Variants in ATP2B2 observed in about 807,000 individuals in gnomAD.
ATP2B2 encodes plasma membrane calcium-transporting ATPase 2.
ATP2B2 carries 15 observed loss-of-function variants against 120.0 expected under a neutral mutation model. The ratio of observed to expected loss-of-function variants is 0.12; its 90% CI spans 0.08 to 0.19. The LOEUF is 0.19. Among genes scored for constraint, ATP2B2 ranks in the 10% least tolerant of loss-of-function variants. ATP2B2 has a pLI of 1.00. For synonymous variants in ATP2B2, 694 were observed against 700.3 expected (o/e 0.99, Z 0.14); for missense variants, 1,045 against 1,719.8 (o/e 0.61, Z 6.94).
chr3:10,663,459 C>G (rs2125682398), intron 1 of ATP2B2, among the ~76,000 whole-genome samples: 1 of 152,242 alleles, frequency 6.6e-6, no homozygotes, highest in African/African-American at 2.4e-5. Context: ...AGGGCAGCTG[C>G]AAGCCTGATG....
chr3:10,420,918 T>G (rs2062955639), intron 2 of ATP2B2, among the ~76,000 whole-genome samples: 1 of 152,226 alleles, frequency 6.6e-6, no homozygotes, highest in African/African-American at 2.4e-5. Flanking sequence ...GGCTGGGGCA[T>G]GGCCCGGACC....
At position 10,705,894 on chromosome 3, in the gene ATP2B2, C is replaced by T. The variant is rs1248470282; in HGVS notation, c.-460+2021G>A. Reference sequence around the variant, plus strand: ...TATTTTTATTAATCGTGCCCTCTCTCACTCTCAAGGTATCTCAGTTTGGAT... The same window carrying T: ...TATTTTTATTAATCGTGCCCTCTCTTACTCTCAAGGTATCTCAGTTTGGAT... On this transcript the variant is annotated intron_variant, in intron 1 of 21. Coordinates refer to the ATP2B2 transcript ENST00000646379. Among the ~76,000 whole-genome samples the T allele has an allele frequency of 3.9e-5, 6 of 152,222 alleles. No homozygotes were observed. The East Asian group carries it at 1.2e-3, about 29-fold the overall frequency.
chr3:10,488,543 C>T (rs1277164833), intron 1 of ATP2B2, among the ~76,000 whole-genome samples: 7 of 144,474 alleles, frequency 4.8e-5, no homozygotes, highest in Non-Finnish European at 9.2e-5. Flanking sequence ...TCCTTCCTTC[C>T]TTCCTTTCCT....
chr3:10,571,976 A>C (rs1176969778), intron 2 of ATP2B2, among the ~76,000 whole-genome samples: 2 of 152,088 alleles, frequency 1.3e-5, no homozygotes, highest in African/African-American at 4.8e-5. Flanking sequence ...CAACTTCCCC[A>C]CCCCTTGGCT....
In ATP2B2 at chr3:10,410,017, G is replaced by A. The variant is rs144073912; in HGVS notation, c.397+601C>T. On this transcript the variant is annotated intron_variant, in intron 3 of 22. Coordinates refer to ENST00000360273, the MANE Select transcript of ATP2B2 (RefSeq NM_001001331.4). ...CCTGGACTCTGGAGAGAAAGAACCAGGCTCTCTTAGGATGGGGCCTGACAA... is the reference window on the plus strand; with the variant it reads ...CCTGGACTCTGGAGAGAAAGAACCAAGCTCTCTTAGGATGGGGCCTGACAA... Among the ~76,000 whole-genome samples, 667 of 152,308 alleles carry A rather than the reference G, an allele frequency of 4.4e-3. 6 individuals are homozygous for A. Among genetic ancestry groups the A allele is most frequent in the African/African-American group, 0.015 (639 of 41,562 alleles).
At chr3:10,641,410 C>A (rs1287995542) in intron 1 of ATP2B2, among the ~76,000 whole-genome samples, 1 of 152,174 alleles carries the variant, frequency 6.6e-6, no homozygotes, top group African/African-American at 2.4e-5. Context: ...TGACCCTCAG[C>A]CCTAGCCAAG....
At chr3:10,576,747 G>A (rs1160771019) in intron 2 of ATP2B2, among the ~76,000 whole-genome samples, 3 of 152,006 alleles carry the variant, frequency 2.0e-5, no homozygotes, top group Non-Finnish European at 2.9e-5. Context: ...TTGGCATAAC[G>A]TGGGAGGCTG....
At chr3:10,530,573 G>A (rs1462320328) in intron 3 of ATP2B2, among the ~76,000 whole-genome samples, 1 of 152,202 alleles carries the variant, frequency 6.6e-6, no homozygotes, top group African/African-American at 2.4e-5. Flanking sequence ...GGGGCAGTCT[G>A]GCCACAGACA....
At position 10,325,477 on chromosome 3, in the gene ATP2B2, G is replaced by A. The variant is rs1406674458; in HGVS notation, c.*3337C>T. On this transcript the variant is annotated 3_prime_UTR_variant, in exon 23 of 23. Coordinates refer to ENST00000360273, the MANE Select transcript of ATP2B2 (RefSeq NM_001001331.4). ...TGTGGTAAAGGTGGCATTTCAGCAT[G>A]GTTGGGGAAAAGAGTGGCTTCCAAC... The A allele has an allele frequency of 6.6e-6, 1 of 152,224 alleles. No homozygotes were observed. Among genetic ancestry groups the A allele is most frequent in the Non-Finnish European group, 1.5e-5 (1 of 68,066 alleles). The allele number at this position is 152,224 out of a possible 1,614,324, so 9.4% of individuals were successfully genotyped here.
At chr3:10,492,941 AC>A (rs1403075987) in intron 1 of ATP2B2, among the ~76,000 whole-genome samples, 4 of 152,158 alleles carry the variant, frequency 2.6e-5, no homozygotes, top group Admixed American at 1.3e-4. Flanking sequence ...CTCTGCTCCC[AC>A]TACCTCCCTC....
At chr3:10,359,853 T>TCAGCCCC (rs2060846589) in intron 13 of ATP2B2, 29 bp downstream of exon 13, 1 of 1,613,900 alleles carries the variant, frequency 6.2e-7, no homozygotes, top group Non-Finnish European at 8.5e-7. Context: ...GGCACAGCCC[T>TCAGCCCC]CAGCCCCGGT....
intron 1 of ATP2B2, among the ~76,000 whole-genome samples, chr3:10,501,373 G>GTTTTTT (rs71626976): frequency 7.0e-6 from 1 of 143,802 alleles, no homozygotes; most frequent in African/African-American, 2.6e-5. Context: ...TTTTTAAACG[G>GTTTTTT]TTTTTTTTTT....
At chr3:10,461,036 T>C (rs1035174378) in intron 1 of ATP2B2, among the ~76,000 whole-genome samples, 3 of 152,218 alleles carry the variant, frequency 2.0e-5, no homozygotes, top group African/African-American at 7.2e-5. Flanking sequence ...AAAGTCTTTC[T>C]ATGTGTTCCA....
intron 21 of ATP2B2, among the ~76,000 whole-genome samples, chr3:10,339,704 A>G (rs963494282): frequency 1.3e-5 from 2 of 152,202 alleles, no homozygotes; most frequent in African/African-American, 4.8e-5. Context: ...TAACACCGCA[A>G]TGTGGCAGAG....
intron 3 of ATP2B2, among the ~76,000 whole-genome samples, chr3:10,525,762 G>A (rs913452068): frequency 3.3e-5 from 5 of 151,830 alleles, no homozygotes; most frequent in South Asian, 2.1e-4. Context: ...GTGTAAACCC[G>A]TGTAAAAAGT....
chr3:10,567,104 C>A (rs1414743001), intron 2 of ATP2B2, among the ~76,000 whole-genome samples: 2 of 152,182 alleles, frequency 1.3e-5, no homozygotes, highest in African/African-American at 2.4e-5. Flanking sequence ...ATATCTAGAC[C>A]AGCCCCTCCT....
At chr3:10,496,632 C>T (rs908819675) in intron 1 of ATP2B2, among the ~76,000 whole-genome samples, 1 of 152,150 alleles carries the variant, frequency 6.6e-6, no homozygotes, top group African/African-American at 2.4e-5. Flanking sequence ...AACCCAAGAT[C>T]CACACACATT....
chr3:10,385,096 G>A (rs1243395800), intron 8 of ATP2B2, among the ~76,000 whole-genome samples, 172 bp downstream of exon 8: 1 of 152,150 alleles, frequency 6.6e-6, no homozygotes, highest in African/African-American at 2.4e-5. Flanking sequence ...TGACTCCCCC[G>A]GCTGTGGCTC....
At chr3:10,448,851 C>T (rs1293333925) in intron 2 of ATP2B2, among the ~76,000 whole-genome samples, 1 of 152,200 alleles carries the variant, frequency 6.6e-6, no homozygotes, top group East Asian at 1.9e-4. Flanking sequence ...CAAGCCCACA[C>T]TAGGGAATTC....
Sources: gnomAD v4.1 joint callset for allele counts (sites outside exome capture counted in the v4.1 genomes callset) on GRCh38, gnomAD v4.1.1 for gene constraint, MANE v1.5 for transcripts, NCBI Gene and HGNC (gene_info 2026-07-23, HGNC 2026-07-21) for gene names.